ALPK3: variants seen among roughly 807,000 people sequenced by gnomAD.
ALPK3 encodes alpha kinase 3, also known as alpha-protein kinase 3.
A neutral mutation model predicts 140.0 loss-of-function variants in ALPK3; 102 were observed. That is an observed-to-expected ratio of 0.73 (90% CI 0.62 to 0.86). The LOEUF is 0.86. Ranked by LOEUF, ALPK3 falls within the 40% of genes least tolerant of loss-of-function variation. ALPK3 has a pLI of 0.00. For synonymous variants in ALPK3, 938 were observed against 898.5 expected (o/e 1.04, Z -0.79); for missense variants, 2,254 against 2,208.2 (o/e 1.02, Z -0.42).
chr15:84,842,908 C>G (rs1963683568), intron 5 of ALPK3, among the ~76,000 whole-genome samples: 1 of 152,192 alleles, frequency 6.6e-6, no homozygotes, highest in Admixed American at 6.5e-5. Context: ...ACAGGCTGGA[C>G]AGCAGGGACT....
At chr15:84,823,495 TG>T in intron 2 of ALPK3, 127 bp downstream of exon 2, 1 of 984,136 alleles carries the variant, frequency 1.0e-6, no homozygotes, top group Non-Finnish European at 1.6e-6. Flanking sequence ...GGAGGGTGGG[TG>T]GGGAGAGTGC....
intron 5 of ALPK3, among the ~76,000 whole-genome samples, chr15:84,849,780 A>T (rs1207470426): frequency 2.0e-5 from 3 of 152,140 alleles, no homozygotes; most frequent in Non-Finnish European, 4.4e-5. Flanking sequence ...GTATAGCATT[A>T]AAATGTTTAT....
chr15:84,867,259 T>A, intron 12 of ALPK3, 58 bp from the exon 13 acceptor site: 1 of 1,548,410 alleles, frequency 6.5e-7, no homozygotes. Context: ...CTGCTGGAGA[T>A]GTGGGGGCTT....
chr15:84,867,210 C>A, intron 12 of ALPK3, 107 bp from the exon 13 acceptor site: 1 of 1,093,356 alleles, frequency 9.1e-7, no homozygotes, highest in Non-Finnish European at 1.3e-6. Flanking sequence ...ATGTCTCCAG[C>A]AGGAAGAGAC....
rs966573820 is a variant in ALPK3, at chr15:84,868,228, G to A, written c.4890G>A (p.Ala1630=). The change falls in exon 14 of 14, where the codon GCG becomes GCA. Residue 1630 remains alanine (A), a synonymous_variant. Coordinates refer to ENST00000258888, the MANE Select transcript of ALPK3 (RefSeq NM_020778.5). ...TGACACCTCTCAAGGGCCCGGAGGC[G>A]GCCCACCCCCAAGCCAAAGCCAAAG... The part of the protein sequence containing the change: ...LGLTPLKGPE[A]AHPQAKAKGS... The A allele has an allele frequency of 2.3e-5, 37 of 1,614,036 alleles. No homozygotes were observed. The African/African-American group carries it at 2.4e-4, about 10-fold the overall frequency.
chr15:84,822,434 G>A (rs1041854107), intron 1 of ALPK3, among the ~76,000 whole-genome samples: 5 of 152,138 alleles, frequency 3.3e-5, no homozygotes, highest in African/African-American at 1.2e-4. Flanking sequence ...CATAGACCGT[G>A]AGCACCATTG....
At chr15:84,842,467 A>ATTT (rs1963678176) in intron 5 of ALPK3, among the ~76,000 whole-genome samples, 1 of 151,960 alleles carries the variant, frequency 6.6e-6, no homozygotes, top group African/African-American at 2.4e-5. Flanking sequence ...GGGGAACAGG[A>ATTT]GGAAAGCAGT....
chr15:84,823,538 AG>A (rs1055009514), intron 2 of ALPK3, among the ~76,000 whole-genome samples, 170 bp downstream of exon 2: 33 of 152,198 alleles, frequency 2.2e-4, no homozygotes, highest in East Asian at 1.9e-4. Context: ...TGGCTCTCAC[AG>A]GGGGCCAGAG....
Position 84,868,307 on chromosome 15 carries a change from C to G in ALPK3, c.4969C>G (p.Gln1657Glu). 1 of 1,614,130 alleles carries G rather than the reference C, an allele frequency of 6.2e-7. No individual in the cohort carries two copies. The highest frequency in any genetic ancestry group is 8.5e-7 in the Non-Finnish European group (1 of 1,179,978). The change falls in exon 14 of 14, where the codon CAG becomes GAG. Residue 1657 changes from glutamine (Q) to glutamate (E), a missense_variant. By Grantham distance (29) the Gln-to-Glu change is conservative (BLOSUM62 2). Transcript: ENST00000258888. ...AGGCTCCCAGCTGAGTCCTCAGCCC[C>G]AGAAGAAAGGCCTCCCTAGTCCTCA... Reference protein sequence around the residue: ...RKGSQLSPQPQKKGLPSPQGT... With the variant: ...RKGSQLSPQPEKKGLPSPQGT...
intron 3 of ALPK3, among the ~76,000 whole-genome samples, chr15:84,834,606 C>T (rs1963579625): frequency 1.3e-5 from 2 of 152,210 alleles, no homozygotes; most frequent in Non-Finnish European, 2.9e-5. Context: ...CTTTAAATTT[C>T]CATTCATTAT....
At chr15:84,850,724 AAG>A in intron 5 of ALPK3, among the ~76,000 whole-genome samples, 1 of 152,206 alleles carries the variant, frequency 6.6e-6, no homozygotes, top group East Asian at 1.9e-4. Context: ...TTTATGAGGG[AAG>A]AGGGAAAAAG....
At chr15:84,843,746 A>AT (rs1963693412) in intron 5 of ALPK3, among the ~76,000 whole-genome samples, 1 of 152,226 alleles carries the variant, frequency 6.6e-6, no homozygotes, top group Admixed American at 6.5e-5. Context: ...TTTAAAAAGT[A>AT]TTTCAAATAT....
chr15:84,867,121 C>T (rs1338446648), intron 12 of ALPK3, among the ~76,000 whole-genome samples, 196 bp from the exon 13 acceptor site: 1 of 151,810 alleles, frequency 6.6e-6, no homozygotes, highest in African/African-American at 2.4e-5. Flanking sequence ...GTGGTGATGA[C>T]CCATGAGAAG....
In ALPK3 at chr15:84,857,267, G is replaced by A. The variant is rs139767418; in HGVS notation, c.2529G>A (p.Arg843=). ...CGTTCCAGTGCCCCAAGGAGGAGCG[G>A]CCAGGGGGAGTGCCGTGTATGGATC... ...DSPFQCPKEE[R]PGGVPCMDQG... Residue 843 remains arginine (R), a synonymous_variant, in exon 6 of 14, where the codon CGG becomes CGA. Transcript: ENST00000258888. 37 of 1,614,086 alleles carry A rather than the reference G, an allele frequency of 2.3e-5. No homozygotes were observed. In the African/African-American group the frequency reaches 4.4e-4, roughly 19 times the overall value.
rs2141570299 is a variant in ALPK3 at position 84,859,360 on chromosome 15, ATC to A, written c.3936_3937del (p.Asp1312GlufsTer14). On this transcript the variant is annotated frameshift_variant, in exon 7 of 14. Coordinates refer to ENST00000258888, the MANE Select transcript of ALPK3 (RefSeq NM_020778.5). LOFTEE classifies it high-confidence loss of function. ...GACTCAGTCTTGACATGGGCCAAGGATCAGCGCCCAGTGGGCGAGGTGGGCAG... is the reference window on the plus strand; with the variant it reads ...GACTCAGTCTTGACATGGGCCAAGGAAGCGCCCAGTGGGCGAGGTGGGCAG... The A allele has an allele frequency of 1.2e-6, 2 of 1,614,138 alleles. No individual in the cohort carries two copies. The highest frequency in any genetic ancestry group is 8.5e-7 in the Non-Finnish European group (1 of 1,180,012).
intron 3 of ALPK3, among the ~76,000 whole-genome samples, chr15:84,829,064 A>G (rs558689093): frequency 3.7e-4 from 57 of 152,368 alleles, no homozygotes; most frequent in Non-Finnish European, 7.2e-4. Context: ...TAAGACTTCA[A>G]ATTATACTAA....
At chr15:84,866,575 G>A (rs1964005797) in intron 12 of ALPK3, among the ~76,000 whole-genome samples, 1 of 152,338 alleles carries the variant, frequency 6.6e-6, no homozygotes, top group Non-Finnish European at 1.5e-5. Context: ...AACCTAATGT[G>A]TGAATACTAA....
rs1446032178 is a variant in ALPK3 at position 84,840,442 on chromosome 15, A to T, written c.1163A>T (p.Lys388Met). Residue 388 changes from lysine (K) to methionine (M), a missense_variant, in exon 5 of 14, where the codon AAG (lysine) becomes ATG (methionine). This residue lies in a region of ALPK3 where 2,088 missense variants were observed against 2,022.9 expected (regional missense o/e 1.03). Coordinates refer to ENST00000258888, the MANE Select transcript of ALPK3 (RefSeq NM_020778.5). ...PGSSGTDSTR[K>M]PASAVGTPDK... The stretch of plus-strand genomic sequence containing the variant: ...TCCTCTGGCACAGATAGTACCAGGA[A>T]GCCAGCCTCTGCTGTGGGCACTCCA... The T allele has an allele frequency of 1.9e-6, 3 of 1,613,676 alleles. No homozygotes were observed. The highest frequency in any genetic ancestry group is 2.2e-5 in the South Asian group (2 of 91,090).
At chr15:84,859,720 G>C (rs1963919024) in intron 7 of ALPK3, 56 bp from the exon 8 acceptor site, 1 of 1,557,530 alleles carries the variant, frequency 6.4e-7, no homozygotes, top group African/African-American at 1.4e-5. Flanking sequence ...AGGACGCTTA[G>C]GACCACAGTC....
Sources: allele counts gnomAD v4.1 joint callset (sites outside exome capture counted in the v4.1 genomes callset), GRCh38; gene constraint gnomAD v4.1.1; regional missense constraint gnomAD v4.1.1; transcripts MANE v1.5; gene names NCBI Gene and HGNC (gene_info 2026-07-23, HGNC 2026-07-21).